The following EOLA2 variants were observed in gnomAD, a reference collection of about 807,000 sequenced individuals.
EOLA2 encodes the protein protein EOLA2.
A neutral mutation model predicts 4.1 loss-of-function variants in EOLA2; 3 were observed. The observed-to-expected ratio is 0.73, with a 90% CI of 0.33 to 1.89. The LOEUF (loss-of-function observed/expected upper bound fraction) is 1.89, where lower values mean the gene tolerates loss of function less well. Among genes scored for constraint, EOLA2 ranks in the 40% most tolerant of loss-of-function variants. The probability of loss-of-function intolerance (pLI) is 0.08; values close to 1 mark genes in which losing one functional copy is unlikely to be tolerated. For missense variants in EOLA2, 109 were observed against 126.4 expected (o/e 0.86, Z 0.66); for synonymous variants, 52 against 51.7 (o/e 1.01, Z -0.03).
chrX:149,938,032 G>A (rs1341056392), intron 1 of EOLA2, 161 bp downstream of exon 1: 1 of 112,960 alleles, frequency 8.9e-6, no homozygotes, highest in African/African-American at 3.2e-5. Context: ...TTAGAAGGAG[G>A]GGGGCCGAGA....
chrX:149,935,600 C>G (rs781975579), intron 2 of EOLA2, among the ~76,000 whole-genome samples: 8 of 91,573 alleles, frequency 8.7e-5, no homozygotes, highest in Non-Finnish European at 1.7e-4. Flanking sequence ...CTGTCTTCAT[C>G]TTAGTCCATG....
intron 2 of EOLA2, among the ~76,000 whole-genome samples, chrX:149,935,390 G>A (rs1557375670): frequency 1.5e-5 from 1 of 67,364 alleles, no homozygotes; most frequent in African/African-American, 5.8e-5. Flanking sequence ...GCACACGCGC[G>A]CCTCCCACTC....
intron 4 of EOLA2, among the ~76,000 whole-genome samples, chrX:149,933,068 T>C (rs782572012): frequency 3.7e-5 from 4 of 106,953 alleles, no homozygotes; most frequent in East Asian, 5.9e-4. Flanking sequence ...CGGTTGCAGA[T>C]TGGAAGGGCA....
chrX:149,931,804 CAAAA>C (rs782666125), downstream of EOLA2, among the ~76,000 whole-genome samples: 116 of 46,787 alleles, frequency 2.5e-3, 2 homozygotes, highest in African/African-American at 7.3e-3. Context: ...GCTAAATCAC[CAAAA>C]AAAAAAAAAA....
At chrX:149,936,912 T>C (rs2124209975) in intron 2 of EOLA2, among the ~76,000 whole-genome samples, 1 of 108,196 alleles carries the variant, frequency 9.2e-6, no homozygotes, top group East Asian at 2.9e-4. Flanking sequence ...TGCCTGACCA[T>C]TCCTCCACTG....
At position 149,933,906 on chromosome X, in the gene EOLA2, G is replaced by A; in HGVS notation, c.-29-3C>T. 8.4e-7 allele frequency: 1 copy of A among 1,192,238 alleles called. No homozygotes were observed. Among genetic ancestry groups the A allele is most frequent in the Non-Finnish European group, 1.1e-6 (1 of 884,341 alleles). On this transcript the variant is annotated splice_region_variant and splice_polypyrimidine_tract_variant and intron_variant, in intron 3 of 4. Coordinates refer to ENST00000370406, the MANE Select transcript of EOLA2 (RefSeq NM_001013845.2). ...AAGCGCCCCGGGCCTCCCGTAGCCT[G>A]CGGAAGCACAGAAGCGCATCACACG...
intron 1 of EOLA2, 63 bp from the exon 2 acceptor site, chrX:149,937,543 G>A: frequency 3.2e-6 from 1 of 313,456 alleles, no homozygotes; most frequent in Non-Finnish European, 4.3e-6. Flanking sequence ...GCTGGTTAAT[G>A]GCCCTAGGAA....
chrX:149,934,310 C>T (rs1469634322), intron 2 of EOLA2, 173 bp from the exon 3 acceptor site: 2 of 619,353 alleles, frequency 3.2e-6, no homozygotes, highest in African/African-American at 4.8e-5. Flanking sequence ...TGCTTCTCTT[C>T]CCTTTCCCCT....
chrX:149,938,325 G>T lies in EOLA2; in HGVS notation c.-343C>A, dbSNP rs1187424648. On this transcript the variant is annotated 5_prime_UTR_variant, in exon 1 of 5. Coordinates refer to ENST00000370406, the MANE Select transcript of EOLA2 (RefSeq NM_001013845.2). ...CCAGCGAGGCCACCGGAGCCAGCGA[G>T]GAGACGTGGGCCGCGGTGAGAAGAG... 1 of 112,993 alleles carries T rather than the reference G, an allele frequency of 8.9e-6. No homozygotes were observed. Among genetic ancestry groups the T allele is most frequent in the Non-Finnish European group, 1.9e-5 (1 of 53,340 alleles). 9.3% of individuals were successfully genotyped at this position (112,993 alleles called of 1,213,427 possible).
chrX:149,937,502 G>A (rs1387385618), intron 1 of EOLA2, 22 bp from the exon 2 acceptor site: 49 of 558,493 alleles, frequency 8.8e-5, no homozygotes, highest in Non-Finnish European at 1.0e-4. Flanking sequence ...GGAAGATAAA[G>A]AGGAAAGGTC....
At chrX:149,933,416 G>A (rs1389164111) in intron 4 of EOLA2, among the ~76,000 whole-genome samples, 11 of 111,223 alleles carry the variant, frequency 9.9e-5, no homozygotes, top group African/African-American at 3.0e-4. Context: ...CCAGAGTGGA[G>A]AAATGATTTA....
chrX:149,935,373 A>C, intron 2 of EOLA2, among the ~76,000 whole-genome samples: 2 of 66,400 alleles, frequency 3.0e-5, no homozygotes, highest in Non-Finnish European at 5.7e-5. Context: ...CAGCATCCCT[A>C]CTCTGAGCAC....
intron 2 of EOLA2, among the ~76,000 whole-genome samples, chrX:149,934,842 A>C (rs148591500): frequency 1.9e-4 from 21 of 112,405 alleles, no homozygotes; most frequent in Admixed American, 1.9e-3. Flanking sequence ...CACGGAGGAC[A>C]GCCCTGTGCC....
In EOLA2 at chrX:149,933,983, A is replaced by G. The variant is rs2090933903; in HGVS notation, c.-30+22T>C. 13 of 1,143,690 alleles carry G rather than the reference A, an allele frequency of 1.1e-5. No homozygotes were observed. In the South Asian group the frequency reaches 2.7e-4, roughly 24 times the overall value. 94.3% of individuals were successfully genotyped at this position (1,143,690 alleles called of 1,213,427 possible). A position where few individuals can be genotyped will look rare whatever the true frequency, so the allele number is the denominator to read the frequency against. On this transcript the variant is annotated intron_variant, in intron 3 of 4. Transcript: ENST00000370406. ...GCCTGACCTTCCCCCCGTGTCTCTC[A>G]GGTGGCCTAAATCGCACTGACCTTG...
rs1274621845 is a variant in EOLA2 at position 149,938,274 on chromosome X, A to T, written c.-292T>A. On this transcript the variant is annotated 5_prime_UTR_variant, in exon 1 of 5. Coordinates refer to ENST00000370406, the MANE Select transcript of EOLA2 (RefSeq NM_001013845.2). Reference sequence around the variant, plus strand: ...GGCCGACTCTGGCTTTTGGCCTCAGAGTACAGTCCTCCGCCTCCTCGCGAC... The same window carrying T: ...GGCCGACTCTGGCTTTTGGCCTCAGTGTACAGTCCTCCGCCTCCTCGCGAC... 1 of 112,773 alleles carries T rather than the reference A, an allele frequency of 8.9e-6. No individual in the cohort carries two copies. Among genetic ancestry groups the T allele is most frequent in the Non-Finnish European group, 1.9e-5 (1 of 53,304 alleles). The allele number at this position is 112,773 out of a possible 1,213,427, so 9.3% of individuals were successfully genotyped here.
At chrX:149,934,246 A>C in intron 2 of EOLA2, 109 bp from the exon 3 acceptor site, 1 of 745,625 alleles carries the variant, frequency 1.3e-6, no homozygotes, top group East Asian at 7.2e-5. Flanking sequence ...GCCAGAGCGG[A>C]GAGTCGGGGC....
chrX:149,937,957 C>G (rs1204359608), intron 1 of EOLA2, among the ~76,000 whole-genome samples: 2 of 112,773 alleles, frequency 1.8e-5, no homozygotes, highest in African/African-American at 6.4e-5. Context: ...CAGGGAAGAC[C>G]GGGCCGAGAT....
rs1557375252 is a variant in EOLA2 at position 149,933,818 on chromosome X, T to C, written c.57A>G (p.Gly19=). ...RQPYAGFVLN[G]IKTVETRWRP... is the part of the protein sequence containing the mutation. ...GCCAGCGCGTCTCCACAGTCTTGAT[T>C]CCATTTAAGACAAAGCCAGCATAAG... Residue 19 remains glycine, a synonymous_variant, in exon 4 of 5, where the codon GGA becomes GGG. Coordinates refer to ENST00000370406, the MANE Select transcript of EOLA2 (RefSeq NM_001013845.2). 8 of 1,205,032 alleles carry C rather than the reference T, an allele frequency of 6.6e-6. No homozygotes were observed. The Admixed American group carries it at 1.5e-4, about 23-fold the overall frequency.
At position 149,937,471 on chromosome X, in the gene EOLA2, G is replaced by A. The variant is rs1352393355; in HGVS notation, c.-201C>T. On this transcript the variant is annotated 5_prime_UTR_variant, in exon 2 of 5. Transcript: ENST00000370406. ...AGAGGAGGAAACACTCTTCCACTTG[G>A]TTTCTTTACCTGCACAACAAGGAAG... 1.4e-5 allele frequency: 10 copies of A among 697,949 alleles called. No individual in the cohort carries two copies. Among genetic ancestry groups the A allele is most frequent in the Non-Finnish European group, 1.5e-5 (9 of 587,593 alleles). The allele number at this position is 697,949 out of a possible 1,213,427, so 57.5% of individuals were successfully genotyped here.
Sources: gnomAD v4.1 joint callset for allele counts (sites outside exome capture counted in the v4.1 genomes callset) on GRCh38, gnomAD v4.1.1 for gene constraint, MANE v1.5 for transcripts, NCBI Gene and HGNC (gene_info 2026-07-23, HGNC 2026-07-21) for gene names.